ZFAND3: variants seen among roughly 807,000 people sequenced by gnomAD.
The protein encoded by ZFAND3 is AN1-type zinc finger protein 3.
ZFAND3 carries 10 observed loss-of-function variants against 29.6 expected under a neutral mutation model. The observed-to-expected ratio is 0.34, with a 90% CI of 0.21 to 0.57. The LOEUF is 0.57. Among genes scored for constraint, ZFAND3 ranks in the 20% least tolerant of loss-of-function variants. The pLI is 0.86. For synonymous variants in ZFAND3, 128 were observed against 112.6 expected, an observed-to-expected ratio of 1.14 and a Z score of -0.87; for missense variants, 230 against 304.5, an observed-to-expected ratio of 0.76 and a Z score of 1.82.
chr6:37,858,174 CCAGT>C (rs2127382451), intron 1 of ZFAND3, among the ~76,000 whole-genome samples: 2 of 152,240 alleles, frequency 1.3e-5, no homozygotes, highest in South Asian at 2.1e-4. Context: ...CCCTAGGTGT[CCAGT>C]CAGTCTATGG....
intron 5 of ZFAND3, among the ~76,000 whole-genome samples, chr6:38,149,333 G>C (rs1461138348): frequency 6.7e-6 from 1 of 150,280 alleles, no homozygotes; most frequent in Admixed American, 6.7e-5. Context: ...GACCTCTTGA[G>C]CCCAGAAGGT....
rs563681952 is a variant in ZFAND3, at chr6:38,150,255, G to A, written c.530-1980G>A. 3.8e-4 allele frequency among the ~76,000 whole-genome samples: 58 copies of A among 152,220 alleles called. 1 individual carries two copies. Among genetic ancestry groups the A allele is most frequent in the African/African-American group, 1.3e-3 (54 of 41,522 alleles). ...GGACCAAGTGGGAGCTCGGCTTCTCGGGAGACAGAAATTGCATCTCTGTTC... is the reference window on the plus strand; with the variant it reads ...GGACCAAGTGGGAGCTCGGCTTCTCAGGAGACAGAAATTGCATCTCTGTTC... On this transcript the variant is annotated intron_variant, in intron 5 of 5. Transcript: ENST00000287218.
At chr6:37,980,391 T>C (rs1198408874) in intron 2 of ZFAND3, among the ~76,000 whole-genome samples, 1 of 152,224 alleles carries the variant, frequency 6.6e-6, no homozygotes, top group African/African-American at 2.4e-5. Context: ...GTGCCTTGTT[T>C]AGAGCTGTTT....
At position 38,004,880 on chromosome 6, in the gene ZFAND3, T is replaced by C. The variant is rs1468701648; in HGVS notation, c.113-56713T>C. ...AGGTATGTCAGACTGAGAAAGAGAG[T>C]GGCAGTTCTTTTGGGGGGCTCAGTA... On this transcript the variant is annotated intron_variant, in intron 2 of 5. Coordinates refer to ENST00000287218, the MANE Select transcript of ZFAND3 (RefSeq NM_021943.3). Among the ~76,000 whole-genome samples the C allele has an allele frequency of 3.3e-5, 5 of 152,288 alleles. No homozygotes were observed. In the East Asian group the frequency reaches 9.6e-4, roughly 29 times the overall value.
chr6:37,850,191 C>A (rs1213325433), intron 1 of ZFAND3, among the ~76,000 whole-genome samples: 1 of 152,092 alleles, frequency 6.6e-6, no homozygotes, highest in Non-Finnish European at 1.5e-5. Context: ...TGAAACATAA[C>A]CAGAAGCAGG....
chr6:38,038,080 G>C (rs751371693), intron 2 of ZFAND3, among the ~76,000 whole-genome samples: 1 of 152,182 alleles, frequency 6.6e-6, no homozygotes, highest in Non-Finnish European at 1.5e-5. Context: ...GGCAGTCTGC[G>C]TGTAGGGCCT....
chr6:38,114,995 G>T (rs1008497173), intron 4 of ZFAND3, among the ~76,000 whole-genome samples: 2 of 152,210 alleles, frequency 1.3e-5, no homozygotes, highest in African/African-American at 2.4e-5. Flanking sequence ...GCTAAGAATA[G>T]GGATTCAGTG....
chr6:38,011,192 G>C (rs1763146434), intron 2 of ZFAND3, among the ~76,000 whole-genome samples: 1 of 152,084 alleles, frequency 6.6e-6, no homozygotes, highest in African/African-American at 2.4e-5. Context: ...ATTTACCACA[G>C]TTTGTTGAGC....
intron 2 of ZFAND3, among the ~76,000 whole-genome samples, chr6:37,966,161 A>G (rs575147905): frequency 6.6e-6 from 1 of 152,304 alleles, no homozygotes; most frequent in East Asian, 1.9e-4. Context: ...TGGCATTTGC[A>G]TTTTCCTTCT....
intron 3 of ZFAND3, among the ~76,000 whole-genome samples, chr6:38,071,153 A>G (rs754279996): frequency 2.0e-5 from 3 of 151,784 alleles, no homozygotes; most frequent in Admixed American, 6.6e-5. Context: ...TTTGTTACAT[A>G]TATTGCCAGT....
intron 2 of ZFAND3, among the ~76,000 whole-genome samples, chr6:38,007,494 A>G (rs1041232008): frequency 6.6e-6 from 1 of 152,172 alleles, no homozygotes; most frequent in Middle Eastern, 3.2e-3. Context: ...ACAGTGAGCT[A>G]TGATTGTGCC....
chr6:38,106,221 G>A (rs1216217226), intron 4 of ZFAND3, among the ~76,000 whole-genome samples: 1 of 151,162 alleles, frequency 6.6e-6, no homozygotes, highest in Non-Finnish European at 1.5e-5. Context: ...GTGCAATCTC[G>A]GGCTCACTGC....
intron 1 of ZFAND3, among the ~76,000 whole-genome samples, chr6:37,842,819 A>G (rs948625522): frequency 2.6e-5 from 4 of 152,080 alleles, no homozygotes; most frequent in Non-Finnish European, 5.9e-5. Context: ...CTACAGGATG[A>G]TCTTTTAAAT....
intron 2 of ZFAND3, among the ~76,000 whole-genome samples, chr6:38,018,692 T>G (rs1283155530): frequency 6.6e-6 from 1 of 152,226 alleles, no homozygotes; most frequent in African/African-American, 2.4e-5. Flanking sequence ...GTTCTCTGTT[T>G]TGGAGTATTT....
In ZFAND3 at chr6:38,032,820, G is replaced by A. The variant is rs879661080; in HGVS notation, c.113-28773G>A. Reference sequence around the variant, plus strand: ...TAGAAAACTTCTTTGCTTATAATTAGCATTTCATTGATTTGAGTGGTGTGT... The same window carrying A: ...TAGAAAACTTCTTTGCTTATAATTAACATTTCATTGATTTGAGTGGTGTGT... On this transcript the variant is annotated intron_variant, in intron 2 of 5. Coordinates refer to ENST00000287218, the MANE Select transcript of ZFAND3 (RefSeq NM_021943.3). 4.3e-4 allele frequency among the ~76,000 whole-genome samples: 65 copies of A among 152,112 alleles called. 3 individuals are homozygous for A. Among genetic ancestry groups the A allele is most frequent in the Non-Finnish European group, 4.4e-5 (3 of 68,010 alleles).
rs1349419370 is a variant in ZFAND3, at chr6:37,891,415, G to GT, written c.72-38543dup. The stretch of plus-strand genomic sequence containing the variant: ...ATTTGACAAATAGTTGGAGATTTCA[G>GT]TCCCCCCCCCCGCCTTTAAAATACA... On this transcript the variant is annotated intron_variant, in intron 1 of 5. Coordinates refer to ENST00000287218, the MANE Select transcript of ZFAND3 (RefSeq NM_021943.3). Among the ~76,000 whole-genome samples, 2 of 114,390 alleles carry GT rather than the reference G, an allele frequency of 1.7e-5. 1 individual carries two copies. The highest frequency in any genetic ancestry group is 3.5e-5 in the Non-Finnish European group (2 of 57,838). The allele number at this position is 114,390 out of a possible 152,430, so 75.0% of individuals were successfully genotyped here.
chr6:38,034,214 A>T (rs753302239), intron 2 of ZFAND3, among the ~76,000 whole-genome samples: 1 of 152,180 alleles, frequency 6.6e-6, no homozygotes, highest in Non-Finnish European at 1.5e-5. Context: ...GGGGCAAACT[A>T]GTCTCTTCCT....
chr6:38,129,732 T>G (rs1765707490), intron 5 of ZFAND3, among the ~76,000 whole-genome samples: 2 of 152,208 alleles, frequency 1.3e-5, no homozygotes, highest in Non-Finnish European at 2.9e-5. Context: ...CCTTATAGTT[T>G]AGTTTGAAGT....
intron 1 of ZFAND3, among the ~76,000 whole-genome samples, chr6:37,831,344 A>G (rs148396854): frequency 2.6e-5 from 4 of 152,336 alleles, no homozygotes; most frequent in African/African-American, 9.6e-5. Context: ...ATGCCACCTT[A>G]TTAATTGGTG....
Sources: allele counts gnomAD v4.1 joint callset (sites outside exome capture counted in the v4.1 genomes callset), GRCh38; gene constraint gnomAD v4.1.1; transcripts MANE v1.5; gene names NCBI Gene and HGNC (gene_info 2026-07-23, HGNC 2026-07-21).